The following RBPMS variants were observed in gnomAD, a reference collection of about 807,000 sequenced individuals.
RBPMS encodes RNA-binding protein with multiple splicing.
A neutral mutation model predicts 26.8 loss-of-function variants in RBPMS; 7 were observed. That is an observed-to-expected ratio of 0.26 (90% CI 0.15 to 0.49). The LOEUF is 0.49. Among genes scored for constraint, RBPMS ranks in the 20% least tolerant of loss-of-function variants. RBPMS has a pLI of 0.98. For missense variants in RBPMS, 186 were observed against 250.0 expected, an observed-to-expected ratio of 0.74 and a Z score of 1.73; for synonymous variants, 96 against 93.3, an observed-to-expected ratio of 1.03 and a Z score of -0.17.
intron 1 of RBPMS, among the ~76,000 whole-genome samples, chr8:30,464,616 T>G (rs1477585500): frequency 6.6e-6 from 1 of 152,238 alleles, no homozygotes; most frequent in Non-Finnish European, 1.5e-5. Flanking sequence ...ATGTCTGTTT[T>G]TTCTTCCTGG....
At chr8:30,461,561 A>AT (rs1444769172) in intron 1 of RBPMS, among the ~76,000 whole-genome samples, 3 of 151,962 alleles carry the variant, frequency 2.0e-5, no homozygotes, top group Non-Finnish European at 4.4e-5. Context: ...CGCCCTGCTA[A>AT]TTTTTTGTAT....
rs1046001241 is a variant in RBPMS at position 30,473,196 on chromosome 8, C to T, written c.67-1583C>T. ...CCCTAAGCTTCTTGTTTAGTTTTGGCTTGCCCTTCCCCAAGAATGTTTTCT... is the reference window on the plus strand; with the variant it reads ...CCCTAAGCTTCTTGTTTAGTTTTGGTTTGCCCTTCCCCAAGAATGTTTTCT... On this transcript the variant is annotated intron_variant, in intron 1 of 8. Transcript: ENST00000397323. Among the ~76,000 whole-genome samples, 5 of 152,260 alleles carry T rather than the reference C, an allele frequency of 3.3e-5. No homozygotes were observed. In the South Asian group the frequency reaches 8.3e-4, roughly 25 times the overall value.
chr8:30,534,183 G>T (rs1442483156), intron 5 of RBPMS, among the ~76,000 whole-genome samples: 1 of 152,072 alleles, frequency 6.6e-6, no homozygotes, highest in African/African-American at 2.4e-5. Flanking sequence ...CAGAAACTCA[G>T]TTTGGAGGCA....
At chr8:30,391,698 T>G (rs1434294496) in intron 1 of RBPMS, among the ~76,000 whole-genome samples, 1 of 152,170 alleles carries the variant, frequency 6.6e-6, no homozygotes, top group Non-Finnish European at 1.5e-5. Context: ...TAAACAATTT[T>G]ATTGCACTAT....
intron 1 of RBPMS, among the ~76,000 whole-genome samples, chr8:30,423,579 G>C (rs1216125044): frequency 7.1e-6 from 1 of 141,090 alleles, no homozygotes; most frequent in Non-Finnish European, 1.5e-5. Flanking sequence ...CTCTCTTTTA[G>C]TTATTTATTT....
At chr8:30,550,378 A>G (rs1826255311) in intron 6 of RBPMS, among the ~76,000 whole-genome samples, 2 of 152,164 alleles carry the variant, frequency 1.3e-5, no homozygotes, top group South Asian at 4.1e-4. Flanking sequence ...CCTTCACATA[A>G]ACACTTAAGA....
chr8:30,502,665 A>T (rs945711611), intron 4 of RBPMS, among the ~76,000 whole-genome samples: 2 of 152,208 alleles, frequency 1.3e-5, no homozygotes, highest in Non-Finnish European at 2.9e-5. Flanking sequence ...CTTGCCTCCC[A>T]GCAGAGACCA....
Position 30,557,953 on chromosome 8 carries a change from C to G in RBPMS, c.529-934C>G, listed in dbSNP as rs181763032. Among the ~76,000 whole-genome samples, 19 of 152,312 alleles carry G rather than the reference C, an allele frequency of 1.2e-4. No homozygotes were observed. The East Asian group carries it at 1.5e-3, about 12-fold the overall frequency. ...AATCTCAGCTTACAGCAACCTCCCC[C>G]CTCCTGGTTCAAGCGATTCTCCTGC... On this transcript the variant is annotated intron_variant, in intron 6 of 8. Transcript: ENST00000397323.
At chr8:30,422,055 G>A (rs1445077869) in intron 1 of RBPMS, among the ~76,000 whole-genome samples, 4 of 151,744 alleles carry the variant, frequency 2.6e-5, no homozygotes, top group African/African-American at 9.7e-5. Flanking sequence ...AAGCAGTAGG[G>A]GGCTGGGATG....
chr8:30,409,734 G>A (rs1218513123), intron 1 of RBPMS, among the ~76,000 whole-genome samples: 2 of 152,074 alleles, frequency 1.3e-5, no homozygotes, highest in South Asian at 4.1e-4. Context: ...CCTGGTTCAA[G>A]CGATTCTCCT....
In RBPMS at chr8:30,410,369, C is replaced by T. The variant is rs527333245; in HGVS notation, c.66+25211C>T. The stretch of plus-strand genomic sequence containing the variant: ...GACTACAGGCACGTGCCAACATGCC[C>T]GGCTAATTTTTTGTATTTTTAGTAG... On this transcript the variant is annotated intron_variant, in intron 1 of 8. Coordinates refer to ENST00000397323, the MANE Select transcript of RBPMS (RefSeq NM_001008710.3). Among the ~76,000 whole-genome samples, 10 of 152,020 alleles carry T rather than the reference C, an allele frequency of 6.6e-5. No homozygotes were observed. The South Asian group carries it at 1.0e-3, about 16-fold the overall frequency.
At chr8:30,482,688 C>T (rs1818401638) in intron 4 of RBPMS, among the ~76,000 whole-genome samples, 1 of 152,088 alleles carries the variant, frequency 6.6e-6, no homozygotes, top group African/African-American at 2.4e-5. Context: ...AAGAATAACC[C>T]AAACCCAGAC....
chr8:30,429,760 C>T (rs1811730320), intron 1 of RBPMS, among the ~76,000 whole-genome samples: 1 of 152,150 alleles, frequency 6.6e-6, no homozygotes, highest in Non-Finnish European at 1.5e-5. Context: ...CTCCAGGTTT[C>T]CACATCTTAC....
At chr8:30,443,711 C>A (rs532649291) in intron 1 of RBPMS, among the ~76,000 whole-genome samples, 1 of 152,134 alleles carries the variant, frequency 6.6e-6, no homozygotes, top group African/African-American at 2.4e-5. Context: ...TTTCCTGCCT[C>A]AGCCTCCTGA....
chr8:30,548,113 T>C (rs1051969304), intron 6 of RBPMS, among the ~76,000 whole-genome samples: 1 of 152,222 alleles, frequency 6.6e-6, no homozygotes, highest in African/African-American at 2.4e-5. Flanking sequence ...AAGAAGATCA[T>C]TAACATTTTT....
intron 6 of RBPMS, chr8:30,555,978 G>C: frequency 1.0e-6 from 1 of 985,422 alleles, no homozygotes; most frequent in South Asian, 4.7e-5. Context: ...GCTGTGGTGC[G>C]GGAACCTGGA....
At chr8:30,516,685 T>A (rs1822341705) in intron 5 of RBPMS, among the ~76,000 whole-genome samples, 1 of 152,202 alleles carries the variant, frequency 6.6e-6, no homozygotes, top group Non-Finnish European at 1.5e-5. Flanking sequence ...ATTTATAAAA[T>A]TTTTTAAATA....
chr8:30,420,929 CAGTCAATTG>C (rs1175558301), intron 1 of RBPMS, among the ~76,000 whole-genome samples: 1 of 152,162 alleles, frequency 6.6e-6, no homozygotes, highest in Admixed American at 6.5e-5. Context: ...TAGAAACTTT[CAGTCAATTG>C]ACAGGCTAGT....
intron 5 of RBPMS, among the ~76,000 whole-genome samples, chr8:30,510,402 A>C (rs528881826): frequency 2.6e-5 from 4 of 152,322 alleles, no homozygotes; most frequent in African/African-American, 9.6e-5. Context: ...AAGGAGACTG[A>C]AACTCAAGAG....
Sources: gnomAD v4.1 joint callset for allele counts (sites outside exome capture counted in the v4.1 genomes callset) on GRCh38, gnomAD v4.1.1 for gene constraint, MANE v1.5 for transcripts, NCBI Gene and HGNC (gene_info 2026-07-23, HGNC 2026-07-21) for gene names.